IFTAP: variants seen among roughly 807,000 people sequenced by gnomAD.
The protein encoded by IFTAP is intraflagellar transport associated protein, also known as intraflagellar transport-associated protein.
A neutral mutation model predicts 19.4 loss-of-function variants in IFTAP; 19 were observed. The observed-to-expected ratio is 0.98, with a 90% CI of 0.68 to 1.44. The LOEUF (loss-of-function observed/expected upper bound fraction) is 1.44, where lower values mean the gene tolerates loss of function less well. IFTAP is among the 40% of genes most tolerant of loss of function. IFTAP has a pLI of 0.00. For synonymous variants in IFTAP, 85 were observed against 83.5 expected (o/e 1.02, Z -0.10); for missense variants, 240 against 253.6 (o/e 0.95, Z 0.36).
chr11:36,619,022 G>A (rs1852200469), intron 2 of IFTAP, among the ~76,000 whole-genome samples: 1 of 151,950 alleles, frequency 6.6e-6, no homozygotes, highest in African/African-American at 2.4e-5. Context: ...AAAGAGTCAA[G>A]GAAGAGTCAC....
At chr11:36,616,542 G>A (rs1441922422) in intron 2 of IFTAP, among the ~76,000 whole-genome samples, 1 of 151,956 alleles carries the variant, frequency 6.6e-6, no homozygotes, top group African/African-American at 2.4e-5. Context: ...CTGGAGGACT[G>A]GCCTTTGATA....
chr11:36,595,898 A>G (rs569495423), intron 1 of IFTAP, among the ~76,000 whole-genome samples: 14 of 152,370 alleles, frequency 9.2e-5, no homozygotes, highest in African/African-American at 3.4e-4. Context: ...ACAGATAAAC[A>G]TTTGAACTAA....
At chr11:36,645,326 G>C (rs1488780054) in intron 4 of IFTAP, among the ~76,000 whole-genome samples, 2 of 152,118 alleles carry the variant, frequency 1.3e-5, no homozygotes, top group South Asian at 4.1e-4. Flanking sequence ...ACACGTGGTT[G>C]AGAAAGAAGA....
At chr11:36,657,179 G>C (rs1378228460) in intron 5 of IFTAP, among the ~76,000 whole-genome samples, 1 of 152,170 alleles carries the variant, frequency 6.6e-6, no homozygotes, top group Admixed American at 6.5e-5. Context: ...GGATCAGCTA[G>C]AATCGGCTCC....
At chr11:36,646,371 T>G (rs1372353883) in intron 4 of IFTAP, among the ~76,000 whole-genome samples, 1 of 152,208 alleles carries the variant, frequency 6.6e-6, no homozygotes, top group Non-Finnish European at 1.5e-5. Context: ...ACCAGATTTG[T>G]ACCAGTCCTA....
chr11:36,626,852 T>G lies in IFTAP; in HGVS notation c.137-6432T>G, dbSNP rs184415790. 1.1e-4 allele frequency among the ~76,000 whole-genome samples: 16 copies of G among 151,146 alleles called. No individual in the cohort carries two copies. The East Asian group carries it at 2.9e-3, about 27-fold the overall frequency. On this transcript the variant is annotated intron_variant, in intron 2 of 5. Coordinates refer to ENST00000334307, the MANE Select transcript of IFTAP (RefSeq NM_138787.4). The stretch of plus-strand genomic sequence containing the variant: ...GTTACCCTGTGGTTTTATTTCATCA[T>G]GTGGGGCAGCATGGAATTGGATTAG...
chr11:36,644,256 C>T (rs1853368985), intron 4 of IFTAP, among the ~76,000 whole-genome samples: 2 of 152,234 alleles, frequency 1.3e-5, no homozygotes, highest in African/African-American at 4.8e-5. Flanking sequence ...AAATGCTCAT[C>T]ATCACTGGCC....
At chr11:36,595,276 A>C (rs1009026892) in intron 1 of IFTAP, 1 of 152,210 alleles carries the variant, frequency 6.6e-6, no homozygotes, top group South Asian at 2.1e-4. Context: ...TTCTGTAGTA[A>C]GTAAGCAGGG....
intron 2 of IFTAP, among the ~76,000 whole-genome samples, chr11:36,614,418 C>A (rs975845353): frequency 6.7e-6 from 1 of 148,970 alleles, no homozygotes; most frequent in South Asian, 2.1e-4. Flanking sequence ...ATTTATAGTC[C>A]TTTGGGTATA....
intron 1 of IFTAP, among the ~76,000 whole-genome samples, chr11:36,607,593 A>T (rs1565006430): frequency 1.3e-5 from 2 of 148,656 alleles, no homozygotes; most frequent in South Asian, 2.1e-4. Flanking sequence ...TATCTTATGA[A>T]TTTTTTTTTT....
chr11:36,618,615 G>T lies in IFTAP; in HGVS notation c.136+8376G>T, dbSNP rs567541640. On this transcript the variant is annotated intron_variant, in intron 2 of 5. Coordinates refer to ENST00000334307, the MANE Select transcript of IFTAP (RefSeq NM_138787.4). ...AAAAGAAGAGAATACAGAATGACAGGCTGGCAGACAGGAGGGCCTTAGGTA... is the reference window on the plus strand; with the variant it reads ...AAAAGAAGAGAATACAGAATGACAGTCTGGCAGACAGGAGGGCCTTAGGTA... 5.9e-5 allele frequency among the ~76,000 whole-genome samples: 9 copies of T among 152,096 alleles called. No homozygotes were observed. In the South Asian group the frequency reaches 1.7e-3, roughly 28 times the overall value.
At chr11:36,596,203 A>G (rs1851223606) in intron 1 of IFTAP, among the ~76,000 whole-genome samples, 1 of 140,650 alleles carries the variant, frequency 7.1e-6, no homozygotes, top group African/African-American at 2.8e-5. Context: ...CTCTAATGAG[A>G]TGGTAGTGTT....
intron 5 of IFTAP, among the ~76,000 whole-genome samples, chr11:36,655,595 AT>A (rs1372609469): frequency 1.3e-5 from 2 of 152,192 alleles, no homozygotes; most frequent in African/African-American, 4.8e-5. Flanking sequence ...TTCCTCTGAC[AT>A]TTCGACTCAG....
intron 4 of IFTAP, among the ~76,000 whole-genome samples, chr11:36,641,412 A>G (rs1366430709): frequency 6.6e-6 from 1 of 152,312 alleles, no homozygotes; most frequent in South Asian, 2.1e-4. Context: ...GAGATCTTCA[A>G]TCATTTTTAA....
chr11:36,605,247 A>C (rs1472982629), intron 1 of IFTAP, among the ~76,000 whole-genome samples: 1 of 151,890 alleles, frequency 6.6e-6, no homozygotes, highest in African/African-American at 2.4e-5. Context: ...ATAGACCTGC[A>C]CAACTCTCAG....
intron 4 of IFTAP, among the ~76,000 whole-genome samples, chr11:36,645,597 T>C (rs1451968371): frequency 6.6e-6 from 1 of 152,008 alleles, no homozygotes; most frequent in Non-Finnish European, 1.5e-5. Flanking sequence ...AATATGAGTA[T>C]ATATATATAA....
At chr11:36,652,162 T>C (rs1853766535) in intron 5 of IFTAP, among the ~76,000 whole-genome samples, 1 of 152,236 alleles carries the variant, frequency 6.6e-6, no homozygotes, top group Admixed American at 6.5e-5. Flanking sequence ...ATTTTCATGA[T>C]ATTGATTCTT....
intron 4 of IFTAP, 25 bp from the exon 5 acceptor site, chr11:36,647,991 A>C (rs756946197): frequency 6.2e-7 from 1 of 1,603,660 alleles, no homozygotes; most frequent in African/African-American, 1.3e-5. Context: ...CGAAAGGCTC[A>C]GTTGAAATGT....
intron 2 of IFTAP, among the ~76,000 whole-genome samples, chr11:36,626,434 C>A (rs1852514939): frequency 6.6e-6 from 1 of 151,290 alleles, no homozygotes; most frequent in African/African-American, 2.5e-5. Context: ...CTTTTTCCAG[C>A]CTGGCAGAGT....
Sources: gnomAD v4.1 joint callset for allele counts (sites outside exome capture counted in the v4.1 genomes callset) on GRCh38, gnomAD v4.1.1 for gene constraint, MANE v1.5 for transcripts, NCBI Gene and HGNC (gene_info 2026-07-23, HGNC 2026-07-21) for gene names.